ADAM22: variants seen among roughly 807,000 people sequenced by gnomAD.
ADAM22 encodes the protein ADAM metallopeptidase domain 22.
In ADAM22, 65 loss-of-function variants were observed where a neutral mutation model predicts 144.6. That is an observed-to-expected ratio of 0.45 (90% CI 0.37 to 0.55). The LOEUF is 0.55. Among genes scored for constraint, ADAM22 ranks in the 20% least tolerant of loss-of-function variants. The pLI, the probability that ADAM22 is intolerant of heterozygous loss-of-function variation, is 0.00. For synonymous variants in ADAM22, 391 were observed against 412.6 expected (o/e 0.95, Z 0.63); for missense variants, 974 against 1,184.9 (o/e 0.82, Z 2.61).
At chr7:88,170,086 G>A (rs1047799965) in intron 25 of ADAM22, among the ~76,000 whole-genome samples, 1 of 151,786 alleles carries the variant, frequency 6.6e-6, no homozygotes, top group Admixed American at 6.6e-5. Context: ...ATTCTTTTGA[G>A]ATCTGTTCAT....
intron 14 of ADAM22, 57 bp downstream of exon 14, chr7:88,136,088 C>A (rs1422847213): frequency 6.0e-6 from 9 of 1,508,386 alleles, no homozygotes; most frequent in African/African-American, 2.8e-5. Flanking sequence ...GTGCTGTTGT[C>A]TTCTTAGGAA....
At chr7:88,154,758 T>C (rs1002437646) in intron 21 of ADAM22, among the ~76,000 whole-genome samples, 1 of 152,184 alleles carries the variant, frequency 6.6e-6, no homozygotes, top group Non-Finnish European at 1.5e-5. Context: ...TTTTTGTTTA[T>C]GATAGATACA....
intron 3 of ADAM22, among the ~76,000 whole-genome samples, chr7:88,052,903 G>A (rs1213068342): frequency 6.6e-6 from 1 of 152,062 alleles, no homozygotes; most frequent in Non-Finnish European, 1.5e-5. Flanking sequence ...TCTTTCTTCA[G>A]TTAAAAAAGT....
At chr7:88,047,430 C>T (rs1459581651) in intron 3 of ADAM22, among the ~76,000 whole-genome samples, 1 of 152,112 alleles carries the variant, frequency 6.6e-6, no homozygotes, top group African/African-American at 2.4e-5. Flanking sequence ...TTCATGGAGT[C>T]TGTGTGTCTA....
At chr7:87,974,381 A>G (rs1851374913) in intron 2 of ADAM22, among the ~76,000 whole-genome samples, 1 of 152,168 alleles carries the variant, frequency 6.6e-6, no homozygotes, top group Non-Finnish European at 1.5e-5. Context: ...TCAGCCAGAA[A>G]CATGGGGAAG....
chr7:87,980,595 C>G (rs1853131916), intron 3 of ADAM22, among the ~76,000 whole-genome samples: 1 of 151,646 alleles, frequency 6.6e-6, no homozygotes, highest in Non-Finnish European at 1.5e-5. Flanking sequence ...CAGAATGGAT[C>G]CAATAATACA....
intron 3 of ADAM22, among the ~76,000 whole-genome samples, chr7:88,061,580 A>G (rs536667164): frequency 1.3e-5 from 2 of 152,320 alleles, no homozygotes; most frequent in East Asian, 1.9e-4. Context: ...ATGAATAGCA[A>G]TATTTTGAAA....
In ADAM22 at chr7:88,044,698, G is replaced by A. The variant is rs1032185619; in HGVS notation, c.324-30928G>A. 2.8e-4 allele frequency among the ~76,000 whole-genome samples: 42 copies of A among 151,600 alleles called. 1 individual carries two copies. Among genetic ancestry groups the A allele is most frequent in the Middle Eastern group, 3.4e-3 (1 of 292 alleles). ...CCTGACCTCATGATCCACCCGCCTCGGTCTCCCAAAGTGCTGGGATTACAG... is the reference window on the plus strand; with the variant it reads ...CCTGACCTCATGATCCACCCGCCTCAGTCTCCCAAAGTGCTGGGATTACAG... On this transcript the variant is annotated intron_variant, in intron 3 of 31. Coordinates refer to ENST00000413139, the MANE Select transcript of ADAM22 (RefSeq NM_001324418.2).
In ADAM22 at chr7:87,973,723, T is replaced by G. The variant is rs983642801; in HGVS notation, c.247-4613T>G. Among the ~76,000 whole-genome samples, 344 of 152,084 alleles carry G rather than the reference T, an allele frequency of 2.3e-3. 2 individuals carry two copies. Among genetic ancestry groups the G allele is most frequent in the African/African-American group, 7.7e-3 (321 of 41,462 alleles). ...ACAATGATAGACTGGATTAAGAAAA[T>G]GTGGCACATATACACCATGGAATAC... On this transcript the variant is annotated intron_variant, in intron 2 of 31. Transcript: ENST00000413139.
At chr7:88,037,749 A>G (rs903126604) in intron 3 of ADAM22, among the ~76,000 whole-genome samples, 1 of 152,222 alleles carries the variant, frequency 6.6e-6, no homozygotes, top group Admixed American at 6.5e-5. Flanking sequence ...ATTTTGTACA[A>G]TTATACCGGC....
At chr7:88,004,368 A>T (rs1793296724) in intron 3 of ADAM22, among the ~76,000 whole-genome samples, 1 of 152,238 alleles carries the variant, frequency 6.6e-6, no homozygotes, top group African/African-American at 2.4e-5. Flanking sequence ...CCAGGGTCAG[A>T]TTATTACCTT....
At chr7:88,176,979 A>G (rs1187688032) in intron 26 of ADAM22, among the ~76,000 whole-genome samples, 5 of 152,194 alleles carry the variant, frequency 3.3e-5, no homozygotes, top group African/African-American at 1.2e-4. Flanking sequence ...TGGCCAGGCT[A>G]GTCTCCAACT....
At chr7:88,023,572 A>C (rs938146875) in intron 3 of ADAM22, among the ~76,000 whole-genome samples, 2 of 152,106 alleles carry the variant, frequency 1.3e-5, no homozygotes, top group African/African-American at 4.8e-5. Flanking sequence ...GGCATGAGCC[A>C]CCACACCTGG....
At chr7:88,131,555 G>T in intron 11 of ADAM22, 120 bp downstream of exon 11, 1 of 1,041,528 alleles carries the variant, frequency 9.6e-7, no homozygotes, top group Admixed American at 2.4e-5. Flanking sequence ...GCAGATGGCA[G>T]ATAGATTTGG....
At chr7:88,136,094 A>G in intron 14 of ADAM22, 63 bp downstream of exon 14, 1 of 1,477,614 alleles carries the variant, frequency 6.8e-7, no homozygotes, top group Non-Finnish European at 9.3e-7. Flanking sequence ...TTGTCTTCTT[A>G]GGAATATGAC....
intron 11 of ADAM22, chr7:88,132,043 T>C (rs1377305502): frequency 6.6e-6 from 1 of 152,074 alleles, no homozygotes; most frequent in Non-Finnish European, 1.5e-5. Context: ...GCATATGCCC[T>C]CTATTCAGAT....
rs3840995 is a variant in ADAM22 at position 88,194,783 on chromosome 7, CA to C, written c.2874+1545del. Reference sequence around the variant, plus strand: ...CCAGACCATTATCTGAGCATCAGTTCAGATCGTCTTTGCTCCAGACCCACCA... The same window carrying C: ...CCAGACCATTATCTGAGCATCAGTTCGATCGTCTTTGCTCCAGACCCACCA... On this transcript the variant is annotated intron_variant, in intron 31 of 31. Coordinates refer to ENST00000413139, the MANE Select transcript of ADAM22 (RefSeq NM_001324418.2). Among the ~76,000 whole-genome samples the C allele has an allele frequency of 1.2e-4, 19 of 152,280 alleles. No homozygotes were observed. In the East Asian group the frequency reaches 3.7e-3, roughly 29 times the overall value.
At chr7:87,936,228 A>C (rs981197470) in intron 2 of ADAM22, among the ~76,000 whole-genome samples, 5 of 152,218 alleles carry the variant, frequency 3.3e-5, no homozygotes, top group Non-Finnish European at 7.4e-5. Context: ...CATTTTGTTA[A>C]TAGAAGGTGG....
At chr7:88,009,941 C>T (rs192175366) in intron 3 of ADAM22, among the ~76,000 whole-genome samples, 7 of 152,124 alleles carry the variant, frequency 4.6e-5, no homozygotes, top group South Asian at 2.1e-4. Context: ...ATGTGAACCA[C>T]GTAAGTGTTT....
Sources: gnomAD v4.1 joint callset for allele counts (sites outside exome capture counted in the v4.1 genomes callset) on GRCh38, gnomAD v4.1.1 for gene constraint, MANE v1.5 for transcripts, NCBI Gene and HGNC (gene_info 2026-07-23, HGNC 2026-07-21) for gene names.